Variants in GRIP1 observed in about 807,000 individuals in gnomAD.
GRIP1 encodes glutamate receptor-interacting protein 1.
In GRIP1, 45 loss-of-function variants were observed where a neutral mutation model predicts 129.9. That is an observed-to-expected ratio of 0.35 (90% CI 0.27 to 0.44). GRIP1 has a LOEUF of 0.44. Among genes scored for constraint, GRIP1 ranks in the 20% least tolerant of loss-of-function variants. The pLI is 1.00. For synonymous variants in GRIP1, 530 were observed against 520.8 expected (o/e 1.02, Z -0.24); for missense variants, 1,196 against 1,396.8 (o/e 0.86, Z 2.29).
chr12:66,730,347 ATAAATAGC>A (rs1417350146), intron 1 of GRIP1, among the ~76,000 whole-genome samples: 2 of 152,196 alleles, frequency 1.3e-5, no homozygotes, highest in African/African-American at 4.8e-5. Flanking sequence ...AAATTGTTTC[ATAAATAGC>A]TATAATTGCA....
intron 1 of GRIP1, among the ~76,000 whole-genome samples, chr12:66,712,320 T>C (rs938989078): frequency 6.6e-6 from 1 of 151,766 alleles, no homozygotes; most frequent in African/African-American, 2.4e-5. Context: ...TCATAAGAAT[T>C]GGGAAAATGG....
intron 4 of GRIP1, among the ~76,000 whole-genome samples, chr12:66,536,419 T>C (rs2061605603): frequency 6.6e-6 from 1 of 152,196 alleles, no homozygotes; most frequent in Admixed American, 6.5e-5. Context: ...CCTAATTCTC[T>C]TACTGCTCAT....
At chr12:66,708,872 G>A (rs2035622492) in intron 1 of GRIP1, among the ~76,000 whole-genome samples, 1 of 151,022 alleles carries the variant, frequency 6.6e-6, no homozygotes, top group Non-Finnish European at 1.5e-5. Flanking sequence ...TCCCTCTACT[G>A]GCAAAAAATG....
At chr12:66,446,094 G>GCCCCCCCC (rs1555185775) in intron 11 of GRIP1, among the ~76,000 whole-genome samples, 7 of 140,400 alleles carry the variant, frequency 5.0e-5, no homozygotes, top group Non-Finnish European at 7.6e-5. Context: ...CATTCCTCCT[G>GCCCCCCCC]CCGCCCCCCA....
intron 1 of GRIP1, among the ~76,000 whole-genome samples, chr12:66,907,421 AG>A (rs2040952228): frequency 6.6e-6 from 1 of 152,228 alleles, no homozygotes; most frequent in Non-Finnish European, 1.5e-5. Context: ...ATATTAAACA[AG>A]CCACAACAGG....
chr12:66,742,762 A>G (rs981458140), intron 1 of GRIP1, among the ~76,000 whole-genome samples: 2 of 152,170 alleles, frequency 1.3e-5, no homozygotes, highest in Non-Finnish European at 2.9e-5. Flanking sequence ...TGAGAGAAGA[A>G]AAGGGCAAAT....
At chr12:66,626,007 G>A (rs2029974683) in intron 1 of GRIP1, among the ~76,000 whole-genome samples, 1 of 151,982 alleles carries the variant, frequency 6.6e-6, no homozygotes, top group Non-Finnish European at 1.5e-5. Flanking sequence ...CTTCTGGAGG[G>A]GAGATTCTCT....
intron 1 of GRIP1, among the ~76,000 whole-genome samples, chr12:67,044,853 G>T (rs2043230247): frequency 6.6e-6 from 1 of 152,178 alleles, no homozygotes; most frequent in African/African-American, 2.4e-5. Context: ...GACTGAAATA[G>T]CCAGCACTAT....
intron 5 of GRIP1, among the ~76,000 whole-genome samples, chr12:66,522,109 T>C (rs994746541): frequency 3.9e-5 from 6 of 152,178 alleles, no homozygotes; most frequent in Admixed American, 2.6e-4. Flanking sequence ...AGCAGTAACC[T>C]CTGCAGACTT....
At chr12:66,965,719 G>A (rs1177774171) in intron 1 of GRIP1, among the ~76,000 whole-genome samples, 1 of 151,952 alleles carries the variant, frequency 6.6e-6, no homozygotes, top group Non-Finnish European at 1.5e-5. Flanking sequence ...TTTCATTATG[G>A]ATGCCCTTTA....
chr12:66,512,334 T>G (rs1398107135), intron 7 of GRIP1, among the ~76,000 whole-genome samples: 1 of 152,100 alleles, frequency 6.6e-6, no homozygotes, highest in Non-Finnish European at 1.5e-5. Context: ...AGATAGAAGA[T>G]GTGGGAAAGT....
chr12:66,432,568 T>C lies in GRIP1; in HGVS notation c.1748A>G (p.Glu583Gly). The C allele has an allele frequency of 6.3e-7, 1 of 1,595,446 alleles. No homozygotes were observed. Among genetic ancestry groups the C allele is most frequent in the Non-Finnish European group, 8.6e-7 (1 of 1,163,930 alleles). ...HVKLPKKHNV[E>G]LGITISSPSS... is the part of the protein sequence containing the mutation. The stretch of plus-strand genomic sequence containing the variant: ...CTTACAACTTATGGTTATTCCAAGT[T>C]CCACATTGTGCTTCTTAGGCAGCTT... The change falls in exon 14 of 25, where the codon GAA (glutamate) becomes GGA (glycine). Residue 583 changes from glutamate (E) to glycine (G), a missense_variant. This residue lies in a region of GRIP1 where 508 missense variants were observed against 587.0 expected (regional missense o/e 0.87). Coordinates refer to ENST00000359742, the MANE Select transcript of GRIP1 (RefSeq NM_001366722.1).
At chr12:67,027,483 C>A (rs200984117) in intron 1 of GRIP1, among the ~76,000 whole-genome samples, 1 of 152,308 alleles carries the variant, frequency 6.6e-6, no homozygotes, top group African/African-American at 2.4e-5. Context: ...AAATGCCATG[C>A]TAAATACTTA....
chr12:66,544,200 TC>T (rs1041841848), intron 2 of GRIP1, among the ~76,000 whole-genome samples: 5 of 152,244 alleles, frequency 3.3e-5, no homozygotes, highest in Admixed American at 2.6e-4. Context: ...AATTACCCTA[TC>T]ATTTAAAAAC....
At chr12:66,733,376 A>G (rs1429928280) in intron 1 of GRIP1, among the ~76,000 whole-genome samples, 1 of 152,182 alleles carries the variant, frequency 6.6e-6, no homozygotes, top group Non-Finnish European at 1.5e-5. Flanking sequence ...TGACTAAGTC[A>G]TGGCTAATAA....
chr12:66,379,085 C>A (rs147935692), intron 20 of GRIP1, among the ~76,000 whole-genome samples, 195 bp downstream of exon 20: 267 of 152,362 alleles, frequency 1.8e-3, no homozygotes, highest in Non-Finnish European at 2.6e-3. Flanking sequence ...CCAGCTCTTG[C>A]CCTGTTGTGT....
At chr12:66,585,348 C>A (rs1203934361) in intron 2 of GRIP1, among the ~76,000 whole-genome samples, 2 of 131,734 alleles carry the variant, frequency 1.5e-5, no homozygotes, top group Admixed American at 1.6e-4. Flanking sequence ...TGAGAATATG[C>A]GGTGTTTGGT....
At chr12:66,585,321 C>T in intron 2 of GRIP1, among the ~76,000 whole-genome samples, 1 of 127,956 alleles carries the variant, frequency 7.8e-6, no homozygotes. Flanking sequence ...TCTCATTGTT[C>T]AATTCCCACC....
intron 1 of GRIP1, among the ~76,000 whole-genome samples, chr12:67,007,438 A>G (rs2042642774): frequency 6.6e-6 from 1 of 152,190 alleles, no homozygotes; most frequent in Non-Finnish European, 1.5e-5. Flanking sequence ...TGCATTTCTA[A>G]TAAGGGCAGA....
Sources: allele counts gnomAD v4.1 joint callset (sites outside exome capture counted in the v4.1 genomes callset), GRCh38; gene constraint gnomAD v4.1.1; regional missense constraint gnomAD v4.1.1; transcripts MANE v1.5; gene names NCBI Gene and HGNC (gene_info 2026-07-23, HGNC 2026-07-21).